KCNQ3: variants seen among roughly 807,000 people sequenced by gnomAD.
KCNQ3 encodes potassium voltage-gated channel subfamily KQT member 3.
In KCNQ3, 30 loss-of-function variants were observed where a neutral mutation model predicts 92.5. The observed-to-expected ratio is 0.32, with a 90% confidence interval of 0.24 to 0.44. The LOEUF is 0.44. Ranked by LOEUF, KCNQ3 falls within the 20% of genes least tolerant of loss-of-function variation. The probability of loss-of-function intolerance (pLI) is 1.00; values close to 1 mark genes in which losing one functional copy is unlikely to be tolerated. For missense variants in KCNQ3, 913 were observed against 1,140.3 expected, an observed-to-expected ratio of 0.80 and a Z score of 2.87; for synonymous variants, 450 against 468.8, an observed-to-expected ratio of 0.96 and a Z score of 0.52.
rs138101011 is a variant in KCNQ3, at chr8:132,346,214, T to C, written c.386+133933A>G. Among the ~76,000 whole-genome samples, 763 of 152,296 alleles carry C rather than the reference T, an allele frequency of 5.0e-3. 6 individuals are homozygous for C. The highest frequency in any genetic ancestry group is 0.016 in the African/African-American group (678 of 41,556). On this transcript the variant is annotated intron_variant, in intron 1 of 14. Coordinates refer to ENST00000388996, the MANE Select transcript of KCNQ3 (RefSeq NM_004519.4). The stretch of plus-strand genomic sequence containing the variant: ...CTTTCTTCTCTTCCCAGAGGGCTCA[T>C]ATGAGCTAATCTACAAGTGGGTCTG...
At chr8:132,225,072 CCT>C (rs796196198) in intron 1 of KCNQ3, among the ~76,000 whole-genome samples, 16 of 152,258 alleles carry the variant, frequency 1.1e-4, no homozygotes, top group African/African-American at 2.9e-4. Flanking sequence ...CAGTTTGTCC[CCT>C]GTTTGCAAAT....
intron 9 of KCNQ3, among the ~76,000 whole-genome samples, chr8:132,142,212 T>C (rs1825318956): frequency 6.6e-6 from 1 of 152,230 alleles, no homozygotes; most frequent in Non-Finnish European, 1.5e-5. Flanking sequence ...ATGGGCTTCA[T>C]GATACTTCTA....
intron 9 of KCNQ3, among the ~76,000 whole-genome samples, chr8:132,160,688 G>C (rs1031467403): frequency 1.3e-5 from 2 of 149,262 alleles, no homozygotes; most frequent in African/African-American, 5.2e-5. Context: ...GCTTATGAGG[G>C]CTGTCTTGAC....
In KCNQ3 at chr8:132,132,899, C is replaced by T. The variant is rs149774639; in HGVS notation, c.1800-635G>A. Among the ~76,000 whole-genome samples, 453 of 152,226 alleles carry T rather than the reference C, an allele frequency of 3.0e-3. 3 individuals are homozygous for T. The highest frequency in any genetic ancestry group is 0.01 in the African/African-American group (433 of 41,542). ...CAGATAGAACTTTCAGGGAGTCTAG[C>T]TATTTGCTAGAAACCATTCATGCTA... On this transcript the variant is annotated intron_variant, in intron 13 of 14. Transcript: ENST00000388996.
At chr8:132,373,831 G>T (rs1819539355) in intron 1 of KCNQ3, among the ~76,000 whole-genome samples, 1 of 152,078 alleles carries the variant, frequency 6.6e-6, no homozygotes, top group Non-Finnish European at 1.5e-5. Flanking sequence ...CCCCAGGTTG[G>T]TTCCACCCAA....
At chr8:132,344,905 G>A (rs1818637735) in intron 1 of KCNQ3, among the ~76,000 whole-genome samples, 1 of 152,106 alleles carries the variant, frequency 6.6e-6, no homozygotes, top group South Asian at 2.1e-4. Flanking sequence ...GAGAGAGAAG[G>A]TGTCAAAAGA....
chr8:132,434,955 A>C (rs2130829162), intron 1 of KCNQ3, among the ~76,000 whole-genome samples: 1 of 152,348 alleles, frequency 6.6e-6, no homozygotes. Context: ...GAGTCTGAAC[A>C]GTTTCTGGCC....
intron 1 of KCNQ3, among the ~76,000 whole-genome samples, chr8:132,246,175 G>A (rs1248123569): frequency 6.6e-6 from 1 of 152,158 alleles, no homozygotes; most frequent in Non-Finnish European, 1.5e-5. Flanking sequence ...CAGACTGCCT[G>A]TCCCATTTAC....
chr8:132,319,012 C>G (rs1168072479), intron 1 of KCNQ3, among the ~76,000 whole-genome samples: 1 of 152,128 alleles, frequency 6.6e-6, no homozygotes. Flanking sequence ...TGTGCTAGAG[C>G]AGGGTAGAAC....
chr8:132,480,654 C>T lies in KCNQ3; in HGVS notation c.-122G>A. ...AGCCCGGGAACTCCAATGCCATGAT[C>T]CGCGCGCCCCTCCCCACCCCCCCCC... On this transcript the variant is annotated 5_prime_UTR_variant, in exon 1 of 15. Coordinates refer to ENST00000388996, the MANE Select transcript of KCNQ3 (RefSeq NM_004519.4). 2 of 1,038,838 alleles carry T rather than the reference C, an allele frequency of 1.9e-6. No individual in the cohort carries two copies. Among genetic ancestry groups the T allele is most frequent in the Non-Finnish European group, 2.4e-6 (2 of 845,350 alleles). The allele number at this position is 1,038,838 out of a possible 1,614,324, so 64.4% of individuals were successfully genotyped here. A position where few individuals can be genotyped will look rare whatever the true frequency, so the allele number is the denominator to read the frequency against.
intron 9 of KCNQ3, among the ~76,000 whole-genome samples, chr8:132,156,255 T>G (rs1825792648): frequency 6.6e-6 from 1 of 151,782 alleles, no homozygotes; most frequent in Non-Finnish European, 1.5e-5. Flanking sequence ...ATGATAGGTA[T>G]GATTCCAGCC....
intron 1 of KCNQ3, among the ~76,000 whole-genome samples, chr8:132,445,729 T>C (rs1821659885): frequency 7.2e-6 from 1 of 139,584 alleles, no homozygotes; most frequent in Non-Finnish European, 1.5e-5. Flanking sequence ...GCTCTTACTA[T>C]GTGTCAGGCA....
At chr8:132,264,318 G>A (rs1815903599) in intron 1 of KCNQ3, among the ~76,000 whole-genome samples, 1 of 152,096 alleles carries the variant, frequency 6.6e-6, no homozygotes, top group Admixed American at 6.5e-5. Context: ...GTTCACTACT[G>A]AGCTGTGCAG....
intron 1 of KCNQ3, among the ~76,000 whole-genome samples, chr8:132,235,877 A>T (rs1814797216): frequency 1.3e-5 from 2 of 152,198 alleles, no homozygotes; most frequent in Non-Finnish European, 2.9e-5. Context: ...TTTCAGTAAC[A>T]TCACCAAGTC....
intron 1 of KCNQ3, among the ~76,000 whole-genome samples, chr8:132,281,559 T>C (rs1816517654): frequency 6.6e-6 from 1 of 152,020 alleles, no homozygotes. Flanking sequence ...TATATATATA[T>C]ATATATGAAA....
chr8:132,149,649 C>T (rs1563773428), intron 9 of KCNQ3, among the ~76,000 whole-genome samples: 2 of 152,192 alleles, frequency 1.3e-5, no homozygotes, highest in Non-Finnish European at 2.9e-5. Context: ...CAATACAATA[C>T]TGGAGGTGGT....
intron 1 of KCNQ3, among the ~76,000 whole-genome samples, chr8:132,307,905 C>T (rs1817477276): frequency 6.6e-6 from 1 of 152,140 alleles, no homozygotes; most frequent in South Asian, 2.1e-4. Context: ...CCATAGGGTT[C>T]TCTTTATGTT....
intron 1 of KCNQ3, among the ~76,000 whole-genome samples, chr8:132,261,965 T>C (rs1815801804): frequency 6.6e-6 from 1 of 152,106 alleles, no homozygotes. Context: ...CAAACATCCA[T>C]AAATGGATGA....
chr8:132,480,651 G>A lies in KCNQ3; in HGVS notation c.-119C>T. 9.5e-7 allele frequency: 1 copy of A among 1,051,660 alleles called. No homozygotes were observed. Among genetic ancestry groups the A allele is most frequent in the Non-Finnish European group, 1.2e-6 (1 of 850,140 alleles). The allele number at this position is 1,051,660 out of a possible 1,614,324, so 65.1% of individuals were successfully genotyped here. ...GCAAGCCCGGGAACTCCAATGCCAT[G>A]ATCCGCGCGCCCCTCCCCACCCCCC... On this transcript the variant is annotated 5_prime_UTR_variant, in exon 1 of 15. Coordinates refer to ENST00000388996, the MANE Select transcript of KCNQ3 (RefSeq NM_004519.4).
Sources: allele counts gnomAD v4.1 joint callset (sites outside exome capture counted in the v4.1 genomes callset), GRCh38; gene constraint gnomAD v4.1.1; transcripts MANE v1.5; gene names NCBI Gene and HGNC (gene_info 2026-07-23, HGNC 2026-07-21).